Variants in DYSF observed in about 807,000 individuals in gnomAD.
DYSF encodes the protein dystrophy-associated fer-1-like 1.
In DYSF, 212 loss-of-function variants were observed where a neutral mutation model predicts 274.9. That is an observed-to-expected ratio of 0.77 (90% CI 0.69 to 0.86). The LOEUF (loss-of-function observed/expected upper bound fraction) is 0.86. DYSF is among the 40% of genes least tolerant of loss of function. DYSF has a pLI of 0.00. For missense variants in DYSF, 2,666 were observed against 2,783.2 expected, an observed-to-expected ratio of 0.96 and a Z score of 0.95; for synonymous variants, 1,091 against 1,078.7, an observed-to-expected ratio of 1.01 and a Z score of -0.22.
At chr2:71,506,030 C>T (rs888466050) in intron 4 of DYSF, among the ~76,000 whole-genome samples, 4 of 152,160 alleles carry the variant, frequency 2.6e-5, no homozygotes, top group Admixed American at 6.5e-5. Flanking sequence ...CTACCCTCTG[C>T]CTGCTTCTGG....
At position 71,612,633 on chromosome 2, in the gene DYSF, C is replaced by T. The variant is rs772066982; in HGVS notation, c.4222-8C>T. The stretch of plus-strand genomic sequence containing the variant: ...TTCAGGCCAGTGCGTTCTTCCTCCT[C>T]CACCCAGATGCTGCCCAGGGAGGAG... On this transcript the variant is annotated splice_region_variant and splice_polypyrimidine_tract_variant and intron_variant, in intron 38 of 55. Transcript: ENST00000410020. The T allele has an allele frequency of 1.1e-5, 18 of 1,613,598 alleles. No homozygotes were observed. The East Asian group carries it at 3.3e-4, about 30-fold the overall frequency.
At position 71,665,253 on chromosome 2, in the gene DYSF, C is replaced by T. The variant is rs148541407; in HGVS notation, c.5266C>T (p.Arg1756Trp). The change falls in exon 47 of 56, where the codon CGG (arginine) becomes TGG (tryptophan). Residue 1756 changes from arginine to tryptophan, a missense_variant. Coordinates refer to ENST00000410020, the MANE Select transcript of DYSF (RefSeq NM_001130987.2). ...GCATAGAGTCAAGGCACCTGTGTAC[C>T]GGACAGACCGTGTAATGTTTCAGGA... is the stretch of plus-strand genomic sequence containing the variant. The part of the protein sequence containing the change: ...QQHRVKAPVY[R>W]TDRVMFQDKE... The T allele has an allele frequency of 8.4e-4, 1,348 of 1,614,180 alleles. 3 individuals are homozygous for T. The highest frequency in any genetic ancestry group is 1.1e-3 in the Non-Finnish European group (1,292 of 1,180,044).
intron 30 of DYSF, among the ~76,000 whole-genome samples, chr2:71,584,800 G>A (rs1358245340): frequency 6.6e-6 from 1 of 152,190 alleles, no homozygotes; most frequent in African/African-American, 2.4e-5. Context: ...CCAAGGAGGT[G>A]CCCATACCTC....
intron 15 of DYSF, 85 bp downstream of exon 15, chr2:71,535,174 C>T: frequency 6.2e-7 from 1 of 1,601,232 alleles, no homozygotes; most frequent in Non-Finnish European, 8.6e-7. Flanking sequence ...TCCCCAGCAT[C>T]CTGCCAGTAT....
intron 36 of DYSF, among the ~76,000 whole-genome samples, chr2:71,604,433 C>T (rs1014475780): frequency 6.6e-6 from 1 of 152,178 alleles, no homozygotes; most frequent in Non-Finnish European, 1.5e-5. Context: ...CTCCCAGGCT[C>T]CTGGCCCGAT....
upstream of DYSF, among the ~76,000 whole-genome samples, chr2:71,463,385 T>G (rs142316576): frequency 2.0e-5 from 3 of 152,114 alleles, no homozygotes; most frequent in East Asian, 5.8e-4. Context: ...CCCCAGAGAG[T>G]GCAGGGATGC....
intron 29 of DYSF, 46 bp from the exon 30 acceptor site, chr2:71,574,152 C>T (rs1574095882): frequency 3.1e-6 from 5 of 1,605,752 alleles, no homozygotes; most frequent in African/African-American, 1.3e-5. Flanking sequence ...CAGAACTCCC[C>T]CCAGCCTTCC....
At chr2:71,597,573 A>G (rs1297178923) in intron 32 of DYSF, among the ~76,000 whole-genome samples, 1 of 152,160 alleles carries the variant, frequency 6.6e-6, no homozygotes, top group African/African-American at 2.4e-5. Context: ...AGCAGCCTGA[A>G]TGAACCTTCC....
chr2:71,490,873 C>T (rs982480315), intron 3 of DYSF, among the ~76,000 whole-genome samples: 1 of 152,164 alleles, frequency 6.6e-6, no homozygotes, highest in Non-Finnish European at 1.5e-5. Context: ...TATTTAGTTT[C>T]TTTCCAATGT....
intron 42 of DYSF, among the ~76,000 whole-genome samples, chr2:71,650,803 C>T (rs1206910619): frequency 2.6e-5 from 4 of 152,126 alleles, no homozygotes; most frequent in African/African-American, 7.2e-5. Flanking sequence ...AAAATACTAA[C>T]AGAAAGCACA....
At chr2:71,682,804 C>A in intron 55 of DYSF, 127 bp downstream of exon 55, 2 of 1,363,746 alleles carry the variant, frequency 1.5e-6, no homozygotes, top group South Asian at 1.3e-5. Context: ...AGCCCCTGGT[C>A]TGATGAGGAT....
intron 24 of DYSF, among the ~76,000 whole-genome samples, chr2:71,564,678 C>T (rs866874527): frequency 6.6e-6 from 1 of 152,208 alleles, no homozygotes. Context: ...GTATCTGGGG[C>T]TTGGGACAGG....
intron 30 of DYSF, among the ~76,000 whole-genome samples, chr2:71,588,342 TG>T (rs1300039524): frequency 1.3e-5 from 2 of 151,404 alleles, no homozygotes; most frequent in Non-Finnish European, 2.9e-5. Flanking sequence ...TGGCCAGAGG[TG>T]GGAGAACAGG....
At chr2:71,653,770 CTG>C (rs2094713679) in intron 42 of DYSF, among the ~76,000 whole-genome samples, 4 of 151,562 alleles carry the variant, frequency 2.6e-5, no homozygotes, top group Non-Finnish European at 4.4e-5. Flanking sequence ...TGTAACAGAC[CTG>C]CACATTGTGC....
chr2:71,565,246 C>CTTTTTTTTTTTTTTTTTTTTT (rs796705736), intron 24 of DYSF, among the ~76,000 whole-genome samples: 24 of 131,320 alleles, frequency 1.8e-4, no homozygotes, highest in African/African-American at 6.7e-4. Flanking sequence ...CCACCCAGCT[C>CTTTTTTTTTTTTTTTTTTTTT]TTTTTTTTTT....
At position 71,484,074 on chromosome 2, in the gene DYSF, A is replaced by G. The variant is rs2083168436; in HGVS notation, c.239+2104A>G. On this transcript the variant is annotated intron_variant, in intron 3 of 55. Coordinates refer to ENST00000410020, the MANE Select transcript of DYSF (RefSeq NM_001130987.2). ...TTTTTTTTTTTTTTTTTTTTTTGAG[A>G]CGAAGTCTTGCTCTGTGGCCCAGGC... is the stretch of plus-strand genomic sequence containing the variant. 2.0e-5 allele frequency among the ~76,000 whole-genome samples: 2 copies of G among 97,716 alleles called. 1 individual carries two copies. The highest frequency in any genetic ancestry group is 2.8e-4 in the Admixed American group (2 of 7,148). The allele number at this position is 97,716 out of a possible 152,430, so 64.1% of individuals were successfully genotyped here.
At chr2:71,565,456 C>G (rs2092034142) in intron 24 of DYSF, among the ~76,000 whole-genome samples, 1 of 152,126 alleles carries the variant, frequency 6.6e-6, no homozygotes, top group African/African-American at 2.4e-5. Context: ...GCCTAAGGCA[C>G]CAGACTTTCA....
chr2:71,581,844 G>T (rs1430756236), intron 30 of DYSF, among the ~76,000 whole-genome samples: 2 of 152,152 alleles, frequency 1.3e-5, no homozygotes, highest in African/African-American at 4.8e-5. Context: ...CCCTCTGCCT[G>T]CTTTTGTAAA....
intron 4 of DYSF, among the ~76,000 whole-genome samples, chr2:71,510,329 G>C (rs2085960331): frequency 6.6e-6 from 1 of 152,166 alleles, no homozygotes; most frequent in African/African-American, 2.4e-5. Context: ...TGGGCGGAGG[G>C]GAGGACTTTC....
Sources: gnomAD v4.1 joint callset for allele counts (sites outside exome capture counted in the v4.1 genomes callset) on GRCh38, gnomAD v4.1.1 for gene constraint, MANE v1.5 for transcripts, NCBI Gene and HGNC (gene_info 2026-07-23, HGNC 2026-07-21) for gene names.